CDH23: variants seen among roughly 807,000 people sequenced by gnomAD.
CDH23 encodes the protein cadherin-23.
CDH23 carries 189 observed loss-of-function variants against 317.1 expected under a neutral mutation model. The ratio of observed to expected loss-of-function variants is 0.60; its 90% CI spans 0.53 to 0.67. CDH23 has a LOEUF of 0.67. Ranked by LOEUF, CDH23 falls within the 30% of genes least tolerant of loss-of-function variation. CDH23 has a pLI of 0.00. For synonymous variants in CDH23, 1,839 were observed against 1,876.8 expected (o/e 0.98, Z 0.52); for missense variants, 4,401 against 4,592.4 (o/e 0.96, Z 1.20).
At chr10:71,779,492 C>G (rs1435382052) in intron 41 of CDH23, 45 bp downstream of exon 41, 11 of 1,518,818 alleles carry the variant, frequency 7.2e-6, no homozygotes, top group Non-Finnish European at 8.1e-6. Flanking sequence ...CTCACCTGCA[C>G]ACCCGCTCAG....
chr10:71,782,394 ATCTC>A (rs1589418537), intron 41 of CDH23, among the ~76,000 whole-genome samples: 1 of 152,224 alleles, frequency 6.6e-6, no homozygotes, highest in Non-Finnish European at 1.5e-5. Context: ...CCAAGGTGGC[ATCTC>A]TCTATTAGCC....
intron 6 of CDH23, among the ~76,000 whole-genome samples, chr10:71,556,178 C>G (rs1856865866): frequency 6.6e-6 from 1 of 152,178 alleles, no homozygotes; most frequent in African/African-American, 2.4e-5. Flanking sequence ...TTTGTTGAGA[C>G]TATCATGATG....
intron 1 of CDH23, among the ~76,000 whole-genome samples, chr10:71,425,402 A>AGGAAGGAAGGAAGGAT (rs1459026089): frequency 1.3e-5 from 2 of 150,216 alleles, no homozygotes; most frequent in Non-Finnish European, 3.0e-5. Context: ...GAAGGAAGGA[A>AGGAAGGAAGGAAGGAT]GGAAGGAAGG....
rs1839991730 is a variant in CDH23 at position 71,751,273 on chromosome 10, G to A, written c.4845+9352G>A. ...CTGGGCTAGATGACCTCAAAGTTTGGAGAGTCAGGGACAGGGTCTGCAAGA... is the reference window on the plus strand; with the variant it reads ...CTGGGCTAGATGACCTCAAAGTTTGAAGAGTCAGGGACAGGGTCTGCAAGA... On this transcript the variant is annotated intron_variant, in intron 38 of 69. Transcript: ENST00000224721. This position sits in a 1 kb window ranked among gnomAD's most constrained non-coding sequence, Gnocchi z 4.9. 1 of 1,610,366 alleles carries A rather than the reference G, an allele frequency of 6.2e-7. No individual in the cohort carries two copies. The highest frequency in any genetic ancestry group is 2.2e-5 in the East Asian group (1 of 44,830).
intron 1 of CDH23, among the ~76,000 whole-genome samples, chr10:71,400,310 C>T (rs1048893667): frequency 4.6e-5 from 7 of 152,264 alleles, no homozygotes; most frequent in East Asian, 1.9e-4. Context: ...GAAAGGTCAT[C>T]GCATGGCTCA....
intron 1 of CDH23, among the ~76,000 whole-genome samples, chr10:71,424,712 C>T (rs1398741219): frequency 6.6e-6 from 1 of 152,214 alleles, no homozygotes; most frequent in Non-Finnish European, 1.5e-5. Flanking sequence ...TGTGCACCTA[C>T]TGTCCGCCAG....
chr10:71,498,219 C>A (rs1344342413), intron 3 of CDH23, among the ~76,000 whole-genome samples: 2 of 152,204 alleles, frequency 1.3e-5, no homozygotes, highest in African/African-American at 4.8e-5. Flanking sequence ...CAGTTCTAGG[C>A]CCGGCTGATT....
At chr10:71,444,040 C>A (rs1041643715) in intron 2 of CDH23, among the ~76,000 whole-genome samples, 1 of 152,250 alleles carries the variant, frequency 6.6e-6, no homozygotes, top group African/African-American at 2.4e-5. Flanking sequence ...CTGGCCTCAA[C>A]AGCCCAAAGC....
At chr10:71,794,707 C>A (rs2132957074) in intron 48 of CDH23, 1 of 152,326 alleles carries the variant, frequency 6.6e-6, no homozygotes, top group East Asian at 1.9e-4. Flanking sequence ...CGTGTGGGGA[C>A]ATGGAAACCC....
intron 6 of CDH23, among the ~76,000 whole-genome samples, chr10:71,521,981 G>A (rs12264426): frequency 0.15 from 22,069 of 152,042 alleles, 1,962 homozygotes; most frequent in East Asian, 0.27. Context: ...TGGGCGAGTC[G>A]TCTCACTTCC....
intron 9 of CDH23, among the ~76,000 whole-genome samples, chr10:71,603,376 T>C (rs1249596032): frequency 1.3e-5 from 2 of 152,238 alleles, no homozygotes; most frequent in Non-Finnish European, 2.9e-5. Flanking sequence ...TTATCGGGGC[T>C]GTAAATCTCC....
At chr10:71,780,266 A>G (rs556517271) in intron 41 of CDH23, among the ~76,000 whole-genome samples, 73 of 152,356 alleles carry the variant, frequency 4.8e-4, no homozygotes, top group African/African-American at 1.7e-3. Flanking sequence ...TGCCCCGTAG[A>G]ACGTACGTTC....
intron 38 of CDH23, chr10:71,753,118 G>A (rs1840048039): frequency 3.2e-6 from 4 of 1,234,418 alleles, no homozygotes; most frequent in African/African-American, 3.0e-5. Flanking sequence ...GGAGGGCCCT[G>A]CACAGCTCCG....
intron 9 of CDH23, among the ~76,000 whole-genome samples, chr10:71,592,506 T>C (rs945861309): frequency 7.2e-5 from 11 of 152,126 alleles, no homozygotes; most frequent in Admixed American, 3.9e-4. Context: ...CTCTTCCACC[T>C]CTTCTGGTGG....
chr10:71,814,846 G>A (rs1842074095), intron 69 of CDH23, 106 bp from the exon 70 acceptor site: 3 of 1,320,734 alleles, frequency 2.3e-6, no homozygotes, highest in African/African-American at 1.5e-5. Context: ...GCCTGCTGCG[G>A]TAGGAGCCCA....
At chr10:71,739,432 G>A (rs562308640) in intron 35 of CDH23, among the ~76,000 whole-genome samples, 4 of 152,252 alleles carry the variant, frequency 2.6e-5, no homozygotes, top group African/African-American at 4.8e-5. Context: ...TCCTAGCCCC[G>A]GAACTTTCCA....
At chr10:71,660,452 T>G (rs911824937) in intron 14 of CDH23, among the ~76,000 whole-genome samples, 2 of 152,118 alleles carry the variant, frequency 1.3e-5, no homozygotes, top group African/African-American at 2.4e-5. Flanking sequence ...GGTGTGTCCC[T>G]CATCTTCATG....
intron 9 of CDH23, among the ~76,000 whole-genome samples, chr10:71,597,493 G>C (rs1298341422): frequency 1.3e-5 from 2 of 152,140 alleles, no homozygotes; most frequent in African/African-American, 4.8e-5. Flanking sequence ...AGCTGCCACA[G>C]GTACAGGGCT....
intron 1 of CDH23, among the ~76,000 whole-genome samples, chr10:71,404,197 T>TAACC (rs537178287): frequency 1.0e-3 from 158 of 152,376 alleles, no homozygotes; most frequent in Middle Eastern, 6.8e-3. Context: ...TACACCTGTG[T>TAACC]AACCGCCTCA....
Sources: gnomAD v4.1 joint callset for allele counts (sites outside exome capture counted in the v4.1 genomes callset) on GRCh38, gnomAD v4.1.1 for gene constraint, Gnocchi (gnomAD v3.1) non-coding constraint, MANE v1.5 for transcripts, NCBI Gene and HGNC (gene_info 2026-07-23, HGNC 2026-07-21) for gene names.